Variants in FAM78B observed in about 807,000 individuals in gnomAD.
FAM78B encodes the protein family with sequence similarity 78 member B, also known as protein FAM78B.
FAM78B carries 10 observed loss-of-function variants against 20.0 expected under a neutral mutation model. That is an observed-to-expected ratio of 0.50 (90% CI 0.31 to 0.85). FAM78B has a LOEUF of 0.85. FAM78B is among the 40% of genes least tolerant of loss of function. The probability of loss-of-function intolerance (pLI) is 0.05; values close to 1 mark genes in which losing one functional copy is unlikely to be tolerated. For synonymous variants in FAM78B, 135 were observed against 132.8 expected (o/e 1.02, Z -0.12); for missense variants, 283 against 345.0 (o/e 0.82, Z 1.42).
chr1:166,124,283 T>C (rs1654565497), intron 1 of FAM78B, among the ~76,000 whole-genome samples: 1 of 152,216 alleles, frequency 6.6e-6, no homozygotes, highest in African/African-American at 2.4e-5. Flanking sequence ...TTCCCAGAGC[T>C]CTTAGACTAG....
chr1:166,099,025 C>T (rs192268054), intron 1 of FAM78B, among the ~76,000 whole-genome samples: 5 of 152,288 alleles, frequency 3.3e-5, no homozygotes, highest in South Asian at 4.1e-4. Context: ...AAAGGAAAAC[C>T]TATTAGATTA....
intron 2 of FAM78B, among the ~76,000 whole-genome samples, chr1:166,062,003 A>G (rs904578468): frequency 3.3e-5 from 5 of 152,192 alleles, no homozygotes; most frequent in African/African-American, 1.2e-4. Context: ...TATATTTATT[A>G]TACAATAAGG....
intron 1 of FAM78B, among the ~76,000 whole-genome samples, chr1:166,089,944 C>A (rs1415664643): frequency 6.6e-6 from 1 of 152,198 alleles, no homozygotes; most frequent in Non-Finnish European, 1.5e-5. Context: ...AGACTCAGCT[C>A]CCACTGTCCC....
At position 166,157,039 on chromosome 1, in the gene FAM78B, G is replaced by C. The variant is rs1461606212; in HGVS notation, c.263+8947C>G. On this transcript the variant is annotated intron_variant, in intron 1 of 1. Coordinates refer to ENST00000354422, the MANE Select transcript of FAM78B (RefSeq NM_001017961.5). ...CATGACGTCAAGGGGGCGGCGGAGG[G>C]GGGGGGGGGGCTCCAATGCCTTCCT... Among the ~76,000 whole-genome samples, 15 of 106,956 alleles carry C rather than the reference G, an allele frequency of 1.4e-4. 3 individuals carry two copies. In the East Asian group the frequency reaches 4.7e-3, roughly 33 times the overall value. 70.2% of individuals were successfully genotyped at this position (106,956 alleles called of 152,430 possible).
chr1:166,060,748 A>C, intron 2 of FAM78B: 1 of 811,304 alleles, frequency 1.2e-6, no homozygotes. Flanking sequence ...GCAGATGGTC[A>C]TGATCTGGGC....
At chr1:166,159,176 C>G (rs1038905157) in intron 1 of FAM78B, among the ~76,000 whole-genome samples, 4 of 152,222 alleles carry the variant, frequency 2.6e-5, no homozygotes, top group African/African-American at 9.6e-5. Context: ...GCCATAACTA[C>G]TAACTTTTCT....
At chr1:166,098,424 G>A (rs1430578485) in intron 1 of FAM78B, among the ~76,000 whole-genome samples, 1 of 152,104 alleles carries the variant, frequency 6.6e-6, no homozygotes, top group Non-Finnish European at 1.5e-5. Context: ...AATTCAGAAG[G>A]TTAGTTATTA....
intron 1 of FAM78B, among the ~76,000 whole-genome samples, chr1:166,086,073 CTTTT>C (rs77694495): frequency 6.8e-5 from 9 of 132,876 alleles, no homozygotes; most frequent in Middle Eastern, 3.9e-3. Context: ...CTATGTTACT[CTTTT>C]TTTTTTTTTT....
intron 1 of FAM78B, among the ~76,000 whole-genome samples, chr1:166,164,504 A>T (rs1385502120): frequency 6.6e-6 from 1 of 152,268 alleles, no homozygotes; most frequent in East Asian, 1.9e-4. Flanking sequence ...CTTCTCTGGA[A>T]GAATACAGTG....
intron 1 of FAM78B, among the ~76,000 whole-genome samples, chr1:166,129,874 T>C (rs2101777285): frequency 6.6e-6 from 1 of 152,372 alleles, no homozygotes; most frequent in East Asian, 1.9e-4. Flanking sequence ...GGCCATGCCA[T>C]GTCACTGCTA....
chr1:166,141,784 A>T (rs73046923), intron 1 of FAM78B, among the ~76,000 whole-genome samples: 134 of 152,332 alleles, frequency 8.8e-4, no homozygotes, highest in African/African-American at 3.2e-3. Context: ...TTTTGCATGG[A>T]CACTGACAGA....
At chr1:166,115,690 GT>G (rs2101763233) in intron 1 of FAM78B, among the ~76,000 whole-genome samples, 1 of 152,318 alleles carries the variant, frequency 6.6e-6, no homozygotes, top group African/African-American at 2.4e-5. Context: ...ACCGTTGTAA[GT>G]GCTGAAAGGC....
chr1:166,082,436 G>C (rs1249772219), intron 1 of FAM78B, among the ~76,000 whole-genome samples: 1 of 152,092 alleles, frequency 6.6e-6, no homozygotes, highest in Non-Finnish European at 1.5e-5. Context: ...GAACTCCTAG[G>C]CTCAAATGAT....
intron 1 of FAM78B, among the ~76,000 whole-genome samples, chr1:166,158,006 G>C (rs1225139205): frequency 1.3e-5 from 2 of 152,238 alleles, no homozygotes; most frequent in Non-Finnish European, 2.9e-5. Flanking sequence ...GGAATGCAAG[G>C]AGGTTCACAC....
intron 1 of FAM78B, among the ~76,000 whole-genome samples, chr1:166,110,036 G>A (rs1457732046): frequency 6.7e-6 from 1 of 149,358 alleles, no homozygotes; most frequent in African/African-American, 2.5e-5. Context: ...ACCAAACATC[G>A]TATGTTCTCA....
intron 1 of FAM78B, among the ~76,000 whole-genome samples, chr1:166,086,316 C>T (rs1282217045): frequency 6.6e-6 from 1 of 152,148 alleles, no homozygotes; most frequent in Admixed American, 6.6e-5. Context: ...ATAGGTGACA[C>T]TAGAGCAGAG....
At chr1:166,062,564 AGAT>A (rs1651637315) in intron 2 of FAM78B, among the ~76,000 whole-genome samples, 2 of 152,376 alleles carry the variant, frequency 1.3e-5, no homozygotes, top group South Asian at 4.1e-4. Flanking sequence ...CAGGTGAGAC[AGAT>A]GAGTCTTTAG....
chr1:166,122,513 A>C (rs1004980907), intron 1 of FAM78B, among the ~76,000 whole-genome samples: 2 of 152,238 alleles, frequency 1.3e-5, no homozygotes, highest in Non-Finnish European at 2.9e-5. Context: ...AAGCCAACTC[A>C]TATCTCAGAT....
chr1:166,109,890 G>GTATATATGTATGTGTATATATATATA (rs1557903394), intron 1 of FAM78B, among the ~76,000 whole-genome samples: 1 of 23,192 alleles, frequency 4.3e-5, no homozygotes, highest in Non-Finnish European at 1.1e-4. Flanking sequence ...ATGTATATAT[G>GTATATATGTATGTGTATATATATATA]TATATATATA....
Sources: allele counts gnomAD v4.1 joint callset (sites outside exome capture counted in the v4.1 genomes callset), GRCh38; gene constraint gnomAD v4.1.1; transcripts MANE v1.5; gene names NCBI Gene and HGNC (gene_info 2026-07-23, HGNC 2026-07-21).